The following KCNB2 variants were observed in gnomAD, a reference collection of about 807,000 sequenced individuals.
KCNB2 encodes the protein delayed rectifier potassium channel protein.
A neutral mutation model predicts 61.5 loss-of-function variants in KCNB2; 15 were observed. The observed-to-expected ratio is 0.24, with a 90% CI of 0.16 to 0.38. The LOEUF (loss-of-function observed/expected upper bound fraction) is 0.38, where lower values mean the gene tolerates loss of function less well. KCNB2 is among the 10% of genes least tolerant of loss of function. The pLI is 1.00. For synonymous variants in KCNB2, 457 were observed against 446.0 expected (o/e 1.02, Z -0.31); for missense variants, 828 against 1,125.2 (o/e 0.74, Z 3.78).
chr8:72,836,259 T>A (rs1010726824), intron 2 of KCNB2, among the ~76,000 whole-genome samples: 19 of 152,248 alleles, frequency 1.2e-4, no homozygotes, highest in African/African-American at 4.6e-4. Flanking sequence ...TGGCTACATT[T>A]AAAAGTAAAT....
intron 2 of KCNB2, among the ~76,000 whole-genome samples, chr8:72,604,362 G>A: frequency 6.6e-6 from 1 of 152,122 alleles, no homozygotes; most frequent in East Asian, 1.9e-4. Flanking sequence ...TTTTTGAGAA[G>A]CATTATGACA....
At chr8:72,614,513 G>C (rs1442561998) in intron 2 of KCNB2, among the ~76,000 whole-genome samples, 1 of 152,198 alleles carries the variant, frequency 6.6e-6, no homozygotes, top group Non-Finnish European at 1.5e-5. Flanking sequence ...AGTAAAATGA[G>C]ATCGCACAGT....
intron 2 of KCNB2, among the ~76,000 whole-genome samples, chr8:72,589,134 C>T (rs1807047430): frequency 6.6e-6 from 1 of 152,104 alleles, no homozygotes; most frequent in Non-Finnish European, 1.5e-5. Context: ...CAGTCCAGAG[C>T]CCACACCAAC....
At chr8:72,539,990 TAA>T (rs1469549623) in intron 1 of KCNB2, among the ~76,000 whole-genome samples, 4 of 152,228 alleles carry the variant, frequency 2.6e-5, no homozygotes, top group African/African-American at 7.2e-5. Context: ...TTTCTCAACT[TAA>T]GAGTGTGTCT....
intron 2 of KCNB2, among the ~76,000 whole-genome samples, chr8:72,738,050 A>G (rs891149956): frequency 3.3e-5 from 5 of 152,180 alleles, no homozygotes; most frequent in Admixed American, 2.6e-4. Flanking sequence ...ACAAATTGAC[A>G]TACTCTAAAC....
rs546407410 is a variant in KCNB2 at position 72,812,681 on chromosome 8, A to C, written c.580-123254A>C. ...TTTACCTAAGTCTGTAAATATAATA[A>C]ATTATATTAATAAATAGTCTAATAT... On this transcript the variant is annotated intron_variant, in intron 2 of 2. Transcript: ENST00000523207. Among the ~76,000 whole-genome samples the C allele has an allele frequency of 2.6e-5, 4 of 152,116 alleles. No individual in the cohort carries two copies. The East Asian group carries it at 7.7e-4, about 29-fold the overall frequency.
intron 1 of KCNB2, among the ~76,000 whole-genome samples, chr8:72,553,269 G>T (rs1003866743): frequency 2.0e-5 from 3 of 152,044 alleles, no homozygotes; most frequent in Non-Finnish European, 4.4e-5. Context: ...AGATAACATG[G>T]TAGTTGCTTT....
intron 2 of KCNB2, among the ~76,000 whole-genome samples, chr8:72,908,374 A>G (rs1435508895): frequency 6.6e-6 from 1 of 152,134 alleles, no homozygotes; most frequent in Non-Finnish European, 1.5e-5. Flanking sequence ...TGATTATTTT[A>G]CTATTATCTA....
In KCNB2 at chr8:72,658,916, T is replaced by G. The variant is rs190408950; in HGVS notation, c.579+90603T>G. On this transcript the variant is annotated intron_variant, in intron 2 of 2. Coordinates refer to ENST00000523207, the MANE Select transcript of KCNB2 (RefSeq NM_004770.3). Reference sequence around the variant, plus strand: ...AAAAAGATTCCTTTCAAAATATTACTGCTCACTGACAATGCACTTGGTCTC... The same window carrying G: ...AAAAAGATTCCTTTCAAAATATTACGGCTCACTGACAATGCACTTGGTCTC... Among the ~76,000 whole-genome samples, 558 of 152,298 alleles carry G rather than the reference T, an allele frequency of 3.7e-3. 2 individuals carry two copies. Among genetic ancestry groups the G allele is most frequent in the African/African-American group, 0.013 (528 of 41,562 alleles).
At chr8:72,700,798 AAC>A (rs1807108752) in intron 2 of KCNB2, among the ~76,000 whole-genome samples, 2 of 152,324 alleles carry the variant, frequency 1.3e-5, no homozygotes, top group Non-Finnish European at 2.9e-5. Flanking sequence ...CATTCATTGT[AAC>A]ACTGTTTACT....
chr8:72,930,930 G>T (rs1179104164), intron 2 of KCNB2, among the ~76,000 whole-genome samples: 1 of 152,224 alleles, frequency 6.6e-6, no homozygotes, highest in East Asian at 1.9e-4. Context: ...TATGGTTTTA[G>T]GTCTAACATT....
In KCNB2 at chr8:72,937,375, A is replaced by T. The variant is rs769903464; in HGVS notation, c.2020A>T (p.Ile674Leu). 5.6e-6 allele frequency: 9 copies of T among 1,613,970 alleles called. No individual in the cohort carries two copies. The highest frequency in any genetic ancestry group is 1.7e-5 in the Admixed American group (1 of 60,002). ...DGTLEYAPVDITVNLDASGSQ... is the reference protein window; with the variant it reads ...DGTLEYAPVDLTVNLDASGSQ... ...CACGCTGGAGTATGCCCCAGTTGAC[A>T]TAACTGTGAACCTCGATGCCAGTGG... Residue 674 changes from isoleucine to leucine, a missense_variant, in exon 3 of 3, where the codon ATA (isoleucine) becomes TTA (leucine). Around this residue, in one of 4 missense-constraint regions of KCNB2, gnomAD observed 559 missense variants for 588.4 expected, o/e 0.95. Transcript: ENST00000523207.
At chr8:72,650,415 G>A (rs1379048638) in intron 2 of KCNB2, among the ~76,000 whole-genome samples, 2 of 152,128 alleles carry the variant, frequency 1.3e-5, no homozygotes, top group African/African-American at 4.8e-5. Flanking sequence ...GACAGGAAAT[G>A]ACATTAGAAG....
intron 2 of KCNB2, among the ~76,000 whole-genome samples, chr8:72,588,455 A>G (rs1563531561): frequency 6.6e-6 from 1 of 151,834 alleles, no homozygotes; most frequent in Non-Finnish European, 1.5e-5. Context: ...CGCCGACCTC[A>G]GGTGATCCGC....
At chr8:72,551,990 G>C (rs553878828) in intron 1 of KCNB2, among the ~76,000 whole-genome samples, 226 of 152,268 alleles carry the variant, frequency 1.5e-3, no homozygotes, top group Admixed American at 4.4e-3. Flanking sequence ...GTTCAGGGTA[G>C]GGCAGGATAG....
intron 2 of KCNB2, among the ~76,000 whole-genome samples, chr8:72,710,207 G>A (rs1399185671): frequency 6.6e-6 from 1 of 152,092 alleles, no homozygotes; most frequent in Admixed American, 6.6e-5. Context: ...AATTTTATAA[G>A]GGCTTCTCAG....
intron 2 of KCNB2, among the ~76,000 whole-genome samples, chr8:72,852,547 A>G (rs940115890): frequency 1.3e-5 from 2 of 152,188 alleles, no homozygotes; most frequent in African/African-American, 4.8e-5. Context: ...ATATATTATT[A>G]AATATTTATG....
At chr8:72,623,472 C>A (rs1805741429) in intron 2 of KCNB2, among the ~76,000 whole-genome samples, 1 of 152,162 alleles carries the variant, frequency 6.6e-6, no homozygotes, top group African/African-American at 2.4e-5. Flanking sequence ...CTGTGATCTG[C>A]AGTTTCTGGT....
chr8:72,759,971 G>A (rs1808350301), intron 2 of KCNB2, among the ~76,000 whole-genome samples: 1 of 152,114 alleles, frequency 6.6e-6, no homozygotes, highest in Admixed American at 6.5e-5. Flanking sequence ...TGTGATTGGG[G>A]GTGTAGTGTC....
Sources: allele counts gnomAD v4.1 joint callset (sites outside exome capture counted in the v4.1 genomes callset), GRCh38; gene constraint gnomAD v4.1.1; regional missense constraint gnomAD v4.1.1; transcripts MANE v1.5; gene names NCBI Gene and HGNC (gene_info 2026-07-23, HGNC 2026-07-21).